PCDH11X: variants seen among roughly 807,000 people sequenced by gnomAD.
PCDH11X encodes the protein protocadherin-11 X-linked.
A neutral mutation model predicts 53.3 loss-of-function variants in PCDH11X; 18 were observed. The ratio of observed to expected loss-of-function variants is 0.34; its 90% CI spans 0.23 to 0.50. PCDH11X has a LOEUF of 0.50. PCDH11X is among the 20% of genes least tolerant of loss of function. PCDH11X has a pLI of 0.98. For synonymous variants in PCDH11X, 279 were observed against 393.3 expected (o/e 0.71, Z 3.44); for missense variants, 570 against 1,032.4 (o/e 0.55, Z 6.14).
At chrX:92,410,206 G>A (rs184818870) in intron 9 of PCDH11X, among the ~76,000 whole-genome samples, 193 of 110,431 alleles carry the variant, frequency 1.7e-3, no homozygotes, top group African/African-American at 5.9e-3. Context: ...AAATTGATAG[G>A]AAGAAACATA....
chrX:92,078,474 G>A (rs1010528725), intron 6 of PCDH11X, among the ~76,000 whole-genome samples: 2 of 111,102 alleles, frequency 1.8e-5, no homozygotes, highest in African/African-American at 3.3e-5. Flanking sequence ...AATATTTGCA[G>A]GGATAACATC....
At chrX:92,435,506 A>C (rs1322427986) in intron 9 of PCDH11X, among the ~76,000 whole-genome samples, 1 of 111,267 alleles carries the variant, frequency 9.0e-6, no homozygotes. Flanking sequence ...CTGAGGTCAA[A>C]ATGAAAGAAA....
Position 92,616,814 on chromosome X carries a change from G to A in PCDH11X, c.3368-1450G>A, listed in dbSNP as rs1227073769. ...TTTATTTAGATTATGTTGACTTTAC[G>A]GATCAATTGTGGGACCACTGACATC... On this transcript the variant is annotated intron_variant, in intron 10 of 10. Transcript: ENST00000682573. Among the ~76,000 whole-genome samples, 13 of 110,283 alleles carry A rather than the reference G, an allele frequency of 1.2e-4. No homozygotes were observed. In the East Asian group the frequency reaches 3.1e-3, roughly 27 times the overall value.
At chrX:92,474,932 G>A (rs1415311223) in intron 10 of PCDH11X, among the ~76,000 whole-genome samples, 4 of 107,808 alleles carry the variant, frequency 3.7e-5, no homozygotes, top group Admixed American at 1.0e-4. Context: ...TTGGGAGGCC[G>A]AGGCGGGTGG....
intron 1 of PCDH11X, among the ~76,000 whole-genome samples, chrX:91,795,729 T>A (rs1322109143): frequency 9.0e-6 from 1 of 111,578 alleles, no homozygotes; most frequent in East Asian, 2.8e-4. Context: ...CTATAATACT[T>A]TACTGCAACT....
chrX:91,889,882 A>C (rs111534145), intron 6 of PCDH11X, among the ~76,000 whole-genome samples: 10,384 of 111,373 alleles, frequency 0.093, 1,224 homozygotes, highest in African/African-American at 0.32. Context: ...TCGTTATCTG[A>C]ATCTAGAATA....
At chrX:91,839,315 G>A (rs1473592129) in intron 5 of PCDH11X, among the ~76,000 whole-genome samples, 1 of 109,178 alleles carries the variant, frequency 9.2e-6, no homozygotes, top group African/African-American at 3.3e-5. Context: ...AACGAAAAGA[G>A]TGAAAGAAAG....
At chrX:92,435,393 A>C (rs979133790) in intron 9 of PCDH11X, among the ~76,000 whole-genome samples, 2 of 110,592 alleles carry the variant, frequency 1.8e-5, no homozygotes, top group African/African-American at 6.6e-5. Flanking sequence ...AAATTTCCCC[A>C]ATATTGCTAG....
chrX:92,228,290 C>T (rs2067006133), intron 7 of PCDH11X, among the ~76,000 whole-genome samples: 3 of 111,687 alleles, frequency 2.7e-5, no homozygotes, highest in African/African-American at 6.5e-5. Flanking sequence ...TTTCCATGTT[C>T]TCTGACATAT....
chrX:92,082,496 A>T (rs2063875216), intron 6 of PCDH11X, among the ~76,000 whole-genome samples: 1 of 111,098 alleles, frequency 9.0e-6, no homozygotes, highest in African/African-American at 3.3e-5. Flanking sequence ...AAGATGGGAT[A>T]GTTGTATTAA....
intron 6 of PCDH11X, among the ~76,000 whole-genome samples, chrX:92,192,236 C>T (rs1055539082): frequency 1.8e-5 from 2 of 112,314 alleles, no homozygotes; most frequent in South Asian, 3.7e-4. Context: ...TTGTAATAGC[C>T]GCTAACTCTC....
intron 10 of PCDH11X, among the ~76,000 whole-genome samples, chrX:92,502,671 A>G (rs986071769): frequency 1.8e-5 from 2 of 110,502 alleles, no homozygotes; most frequent in African/African-American, 6.6e-5. Flanking sequence ...CATATGCACA[A>G]AATTATAACT....
chrX:91,831,945 T>G (rs1937121386), intron 4 of PCDH11X, among the ~76,000 whole-genome samples: 1 of 105,827 alleles, frequency 9.4e-6, no homozygotes, highest in African/African-American at 3.4e-5. Flanking sequence ...GTTGGCAACA[T>G]ATATATTCAC....
At chrX:92,318,806 CT>C (rs1158878625) in intron 8 of PCDH11X, among the ~76,000 whole-genome samples, 2 of 111,458 alleles carry the variant, frequency 1.8e-5, no homozygotes, top group African/African-American at 6.5e-5. Context: ...GTAATTGTCA[CT>C]TTTGTATCAA....
intron 10 of PCDH11X, among the ~76,000 whole-genome samples, chrX:92,536,100 AT>A (rs979431244): frequency 9.5e-6 from 1 of 105,418 alleles, no homozygotes; most frequent in East Asian, 3.0e-4. Context: ...TCTTTTTTCT[AT>A]TTTTTTCTCT....
chrX:92,420,123 A>C lies in PCDH11X; in HGVS notation c.3343+32190A>C, dbSNP rs2071928965. ...ATAATATACATACCTAACCTTTCAC[A>C]GTTTACTCAGAGTTATATTTTACTA... On this transcript the variant is annotated intron_variant, in intron 9 of 10. Transcript: ENST00000682573. Among the ~76,000 whole-genome samples the C allele has an allele frequency of 3.6e-5, 4 of 111,163 alleles. No individual in the cohort carries two copies. The South Asian group carries it at 1.5e-3, about 41-fold the overall frequency.
intron 6 of PCDH11X, among the ~76,000 whole-genome samples, chrX:92,017,057 AAAGG>A (rs1338328329): frequency 9.9e-6 from 1 of 101,277 alleles, no homozygotes; most frequent in Non-Finnish European, 2.0e-5. Context: ...AGATACATGG[AAAGG>A]GCCAGTTCAC....
chrX:92,487,048 C>CTTTTTTTTTTTTTTTTTTTTTTT (rs758641899), intron 10 of PCDH11X, among the ~76,000 whole-genome samples: 1 of 67,819 alleles, frequency 1.5e-5, no homozygotes, highest in African/African-American at 6.3e-5. Context: ...AATATGCTTC[C>CTTTTTTTTTTTTTTTTTTTTTTT]TTTTTTTTTT....
chrX:91,884,190 C>CAAAAAAAAAAAAAAAAAAAAAAAAAAA (rs34953838), intron 6 of PCDH11X, among the ~76,000 whole-genome samples: 1 of 37,753 alleles, frequency 2.6e-5, no homozygotes, highest in African/African-American at 1.1e-4. Flanking sequence ...GACTCCGTCT[C>CAAAAAAAAAAAAAAAAAAAAAAAAAAA]AAAAAAAAAA....
Sources: allele counts gnomAD v4.1 joint callset (sites outside exome capture counted in the v4.1 genomes callset), GRCh38; gene constraint gnomAD v4.1.1; transcripts MANE v1.5; gene names NCBI Gene and HGNC (gene_info 2026-07-23, HGNC 2026-07-21).